The following CGGBP1 variants were observed in gnomAD, a reference collection of about 807,000 sequenced individuals.
The protein encoded by CGGBP1 is CGG triplet repeat binding protein 1, also known as CGG triplet repeat-binding protein 1.
In CGGBP1, 4 loss-of-function variants were observed where a neutral mutation model predicts 11.4. The observed-to-expected ratio is 0.35, with a 90% CI of 0.17 to 0.80. The LOEUF (loss-of-function observed/expected upper bound fraction) is 0.80, where lower values mean the gene tolerates loss of function less well. Ranked by LOEUF, CGGBP1 falls within the 30% of genes least tolerant of loss-of-function variation. The pLI is 0.52. For synonymous variants in CGGBP1, 76 were observed against 74.1 expected (o/e 1.03, Z -0.13); for missense variants, 135 against 202.1 (o/e 0.67, Z 2.01).
In CGGBP1 at chr3:88,140,469, A is replaced by G. The variant is rs1559738391; in HGVS notation, c.-229+501T>C. On this transcript the variant is annotated intron_variant, in intron 2 of 3. Coordinates refer to the CGGBP1 transcript ENST00000462901. ...GACATGTATAGAAAGTATGGAAAAG[A>G]AAACAGACAGTTTAGTTCAGAATGG... 1.7e-5 allele frequency: 28 copies of G among 1,613,746 alleles called. No homozygotes were observed. The highest frequency in any genetic ancestry group is 2.1e-5 in the Non-Finnish European group (25 of 1,179,762).
intron 2 of CGGBP1, among the ~76,000 whole-genome samples, chr3:88,116,061 C>T (rs1248200005): frequency 6.6e-6 from 1 of 152,022 alleles, no homozygotes; most frequent in African/African-American, 2.4e-5. Context: ...AGTCATGTCC[C>T]CCTCTATCCC....
upstream of CGGBP1, among the ~76,000 whole-genome samples, chr3:88,063,803 G>T (rs1253383606): frequency 6.6e-6 from 1 of 151,782 alleles, no homozygotes; most frequent in Non-Finnish European, 1.5e-5. Context: ...ACTATCATTT[G>T]CTCTTTCTTA....
intron 2 of CGGBP1, among the ~76,000 whole-genome samples, chr3:88,069,399 G>A (rs1240863029): frequency 1.3e-5 from 2 of 152,120 alleles, no homozygotes; most frequent in East Asian, 3.9e-4. Flanking sequence ...TTCAGCCTGG[G>A]TGACAAAGTG....
At position 88,055,332 on chromosome 3, in the gene CGGBP1, TGCCTGCAAC is replaced by T. The variant is rs1479603811; in HGVS notation, c.*132_*140del. On this transcript the variant is annotated 3_prime_UTR_variant, in exon 4 of 4. Coordinates refer to ENST00000482016, the MANE Select transcript of CGGBP1 (RefSeq NM_001008390.2). The surrounding 1 kb of genome is among the most constrained non-coding windows in gnomAD (Gnocchi z 4.2). ...TTTTGCAGTGAGGTGGTTTTTTTTT[TGCCTGCAAC>T]TATATACACATTGCAAAACTATTCT... The T allele has an allele frequency of 1.4e-6, 1 of 725,434 alleles. No individual in the cohort carries two copies. The highest frequency in any genetic ancestry group is 2.0e-6 in the Non-Finnish European group (1 of 493,712). 44.9% of individuals were successfully genotyped at this position (725,434 alleles called of 1,614,324 possible).
At chr3:88,126,870 A>G (rs115000467) in intron 2 of CGGBP1, among the ~76,000 whole-genome samples, 1 of 152,202 alleles carries the variant, frequency 6.6e-6, no homozygotes, top group African/African-American at 2.4e-5. Flanking sequence ...TTCATGCATT[A>G]GAAGTTTTGT....
chr3:88,121,243 T>C (rs1292587208), intron 2 of CGGBP1, among the ~76,000 whole-genome samples: 1 of 152,150 alleles, frequency 6.6e-6, no homozygotes, highest in East Asian at 1.9e-4. Context: ...TCAATCTATG[T>C]TTTCTTTAAT....
At chr3:88,111,467 G>T (rs1705084786) in intron 2 of CGGBP1, among the ~76,000 whole-genome samples, 1 of 151,462 alleles carries the variant, frequency 6.6e-6, no homozygotes, top group Admixed American at 6.6e-5. Flanking sequence ...TATATCTCTG[G>T]GTCTTTGCTT....
At chr3:88,057,456 T>C (rs1283632527) in intron 2 of CGGBP1, 164 bp from the exon 3 acceptor site, 1 of 152,164 alleles carries the variant, frequency 6.6e-6, no homozygotes, top group African/African-American at 2.4e-5. Flanking sequence ...CCATTACACG[T>C]TTATACTTTA....
chr3:88,147,801 G>A (rs976070601), intron 1 of CGGBP1, among the ~76,000 whole-genome samples: 17 of 152,162 alleles, frequency 1.1e-4, no homozygotes, highest in African/African-American at 3.6e-4. Flanking sequence ...ATGTAACAAT[G>A]TCTGGAGGTA....
At chr3:88,131,158 G>C (rs1706435355) in intron 2 of CGGBP1, among the ~76,000 whole-genome samples, 2 of 152,226 alleles carry the variant, frequency 1.3e-5, no homozygotes, top group Admixed American at 1.3e-4. Flanking sequence ...CAGTGTTACT[G>C]TACTGAATGC....
chr3:88,096,909 T>TA (rs1704095799), intron 2 of CGGBP1, among the ~76,000 whole-genome samples: 1 of 152,154 alleles, frequency 6.6e-6, no homozygotes. Context: ...AACCTCATAT[T>TA]ATCATTTTAG....
intron 2 of CGGBP1, among the ~76,000 whole-genome samples, chr3:88,130,062 T>A (rs1400897165): frequency 6.6e-6 from 1 of 152,204 alleles, no homozygotes; most frequent in African/African-American, 2.4e-5. Context: ...AAACAGTGGT[T>A]TGAAATTAAA....
In CGGBP1 at chr3:88,055,354, G is replaced by T; in HGVS notation, c.*119C>A. ...TTTTGCCTGCAACTATATACACATT[G>T]CAAAACTATTCTGCGTCACATGATT... On this transcript the variant is annotated 3_prime_UTR_variant, in exon 4 of 4. Transcript: ENST00000482016. This position sits in a 1 kb window ranked among gnomAD's most constrained non-coding sequence, Gnocchi z 4.2. 3.9e-6 allele frequency: 4 copies of T among 1,026,366 alleles called. No homozygotes were observed. Among genetic ancestry groups the T allele is most frequent in the Non-Finnish European group, 5.5e-6 (4 of 726,948 alleles). The allele number at this position is 1,026,366 out of a possible 1,614,324, so 63.6% of individuals were successfully genotyped here.
intron 2 of CGGBP1, among the ~76,000 whole-genome samples, chr3:88,090,581 T>TTTTTTTTTTTTTTTTTTTTTTTTTG (rs1262166902): frequency 6.6e-6 from 1 of 152,198 alleles, no homozygotes; most frequent in South Asian, 2.1e-4. Context: ...AAAATTTTTA[T>TTTTTTTTTTTTTTTTTTTTTTTTTG]AAGTGCGGTA....
At chr3:88,094,002 C>T (rs112626239) in intron 2 of CGGBP1, among the ~76,000 whole-genome samples, 1,567 of 152,058 alleles carry the variant, frequency 0.01, 26 homozygotes, top group African/African-American at 0.035. Context: ...TATCTATTGT[C>T]TTTACTAATC....
In CGGBP1 at chr3:88,055,336, T is replaced by G. The variant is rs549713032; in HGVS notation, c.*137A>C. Reference sequence around the variant, plus strand: ...GCAGTGAGGTGGTTTTTTTTTTGCCTGCAACTATATACACATTGCAAAACT... The same window carrying G: ...GCAGTGAGGTGGTTTTTTTTTTGCCGGCAACTATATACACATTGCAAAACT... On this transcript the variant is annotated 3_prime_UTR_variant, in exon 4 of 4. Coordinates refer to ENST00000482016, the MANE Select transcript of CGGBP1 (RefSeq NM_001008390.2). The surrounding 1 kb of genome is among the most constrained non-coding windows in gnomAD (Gnocchi z 4.2). 2 of 775,262 alleles carry G rather than the reference T, an allele frequency of 2.6e-6. No homozygotes were observed. The highest frequency in any genetic ancestry group is 3.7e-6 in the Non-Finnish European group (2 of 537,596). 48.0% of individuals were successfully genotyped at this position (775,262 alleles called of 1,614,324 possible). A position where few individuals can be genotyped will look rare whatever the true frequency, so the allele number is the denominator to read the frequency against.
chr3:88,136,253 A>G (rs760358938), intron 2 of CGGBP1, among the ~76,000 whole-genome samples: 12 of 152,184 alleles, frequency 7.9e-5, no homozygotes, highest in Non-Finnish European at 1.3e-4. Flanking sequence ...TATTATAGAA[A>G]GTTTACAGTG....
At chr3:88,149,477 A>G (rs1440584650) in intron 1 of CGGBP1, among the ~76,000 whole-genome samples, 1 of 152,248 alleles carries the variant, frequency 6.6e-6, no homozygotes, top group Non-Finnish European at 1.5e-5. Flanking sequence ...GGCACAGTGG[A>G]TTATCTATTT....
chr3:88,101,547 A>G (rs2107718854), intron 2 of CGGBP1, among the ~76,000 whole-genome samples: 1 of 152,232 alleles, frequency 6.6e-6, no homozygotes, highest in Non-Finnish European at 1.5e-5. Context: ...TGTGCTTCAT[A>G]GATTTCAGTA....
Sources: gnomAD v4.1 joint callset for allele counts (sites outside exome capture counted in the v4.1 genomes callset) on GRCh38, gnomAD v4.1.1 for gene constraint, Gnocchi (gnomAD v3.1) non-coding constraint, MANE v1.5 for transcripts, NCBI Gene and HGNC (gene_info 2026-07-23, HGNC 2026-07-21) for gene names.